Variants in FCHSD2 observed in about 807,000 individuals in gnomAD.
The protein encoded by FCHSD2 is FCH and double SH3 domains 2.
In FCHSD2, 38 loss-of-function variants were observed where a neutral mutation model predicts 108.1. That is an observed-to-expected ratio of 0.35 (90% CI 0.27 to 0.46). FCHSD2 has a LOEUF of 0.46. Ranked by LOEUF, FCHSD2 falls within the 20% of genes least tolerant of loss-of-function variation. The pLI, the probability that FCHSD2 is intolerant of heterozygous loss-of-function variation, is 1.00. For synonymous variants in FCHSD2, 279 were observed against 314.7 expected (o/e 0.89, Z 1.20); for missense variants, 751 against 897.8 (o/e 0.84, Z 2.09).
intron 4 of FCHSD2, 127 bp from the exon 5 acceptor site, chr11:73,001,261 T>C (rs967705216): frequency 2.0e-4 from 153 of 750,886 alleles, no homozygotes; most frequent in Non-Finnish European, 3.0e-4. Context: ...TATAATGGCT[T>C]ATAGGCAATA....
intron 2 of FCHSD2, among the ~76,000 whole-genome samples, chr11:73,137,572 A>G (rs1861148273): frequency 6.6e-6 from 1 of 152,270 alleles, no homozygotes; most frequent in Non-Finnish European, 1.5e-5. Context: ...ACAAAAATGA[A>G]TAATAGCCCA....
intron 8 of FCHSD2, among the ~76,000 whole-genome samples, chr11:72,976,246 A>C (rs555713603): frequency 6.6e-6 from 1 of 152,304 alleles, no homozygotes; most frequent in South Asian, 2.1e-4. Context: ...TTCTTGGGGA[A>C]TCTGTCCAAA....
chr11:72,841,166 T>C (rs1860918810), intron 18 of FCHSD2, among the ~76,000 whole-genome samples: 1 of 151,552 alleles, frequency 6.6e-6, no homozygotes, highest in South Asian at 2.1e-4. Flanking sequence ...ATACCCTTTG[T>C]CCAGAAAAAA....
At chr11:72,959,750 G>T (rs1011209457) in intron 8 of FCHSD2, among the ~76,000 whole-genome samples, 1 of 152,120 alleles carries the variant, frequency 6.6e-6, no homozygotes, top group East Asian at 1.9e-4. Context: ...AATATTAAAT[G>T]TCAGGCACTG....
intron 8 of FCHSD2, among the ~76,000 whole-genome samples, chr11:72,946,995 A>G (rs1856533196): frequency 1.3e-5 from 2 of 152,136 alleles, no homozygotes; most frequent in African/African-American, 2.4e-5. Context: ...CCAGCTACCC[A>G]AGAGCTATTC....
At chr11:72,926,093 T>C (rs920987347) in intron 8 of FCHSD2, among the ~76,000 whole-genome samples, 10 of 152,264 alleles carry the variant, frequency 6.6e-5, no homozygotes, top group Middle Eastern at 3.4e-3. Context: ...GGGTTGGGGC[T>C]GAGCCCCAGG....
At chr11:73,035,550 GAGTC>G (rs1270337665) in intron 3 of FCHSD2, among the ~76,000 whole-genome samples, 1 of 152,056 alleles carries the variant, frequency 6.6e-6, no homozygotes, top group Non-Finnish European at 1.5e-5. Context: ...CTAAGCAAAT[GAGTC>G]AGTGTTTATA....
At chr11:72,867,495 T>C (rs559946068) in intron 13 of FCHSD2, among the ~76,000 whole-genome samples, 127 of 152,332 alleles carry the variant, frequency 8.3e-4, no homozygotes, top group Non-Finnish European at 1.1e-3. Context: ...AATCTCTGGA[T>C]GTTTATTTTC....
intron 14 of FCHSD2, chr11:72,843,768 G>A (rs951466512): frequency 1.4e-5 from 7 of 503,416 alleles, no homozygotes; most frequent in Middle Eastern, 5.3e-4. Flanking sequence ...AGGCAATGAC[G>A]TTCAATGAAC....
At chr11:72,942,104 G>A (rs1296534038) in intron 8 of FCHSD2, among the ~76,000 whole-genome samples, 3 of 152,350 alleles carry the variant, frequency 2.0e-5, no homozygotes, top group South Asian at 2.1e-4. Context: ...AGCAGGGGGT[G>A]TCTGTGTCAT....
chr11:72,840,901 C>T lies in FCHSD2; in HGVS notation c.2115G>A (p.Glu705=), dbSNP rs780653733. The T allele has an allele frequency of 1.2e-6, 2 of 1,613,040 alleles. No individual in the cohort carries two copies. Among genetic ancestry groups the T allele is most frequent in the South Asian group, 2.2e-5 (2 of 91,058 alleles). The change falls in exon 19 of 20, where the codon GAG becomes GAA. Residue 705 remains glutamate (E), a synonymous_variant. Coordinates refer to ENST00000409418, the MANE Select transcript of FCHSD2 (RefSeq NM_014824.3). ...CAGGTCGCAGTTTGCCATATGAGGT[C>T]TCAGGAGTATGCCTTGATGCCTGTG... The part of the protein sequence containing the change: ...GFSQASRHTP[E]TSYGKLRPVR...
chr11:73,077,804 A>G, intron 3 of FCHSD2: 1 of 270,718 alleles, frequency 3.7e-6, no homozygotes. Context: ...GGGGGCTTAC[A>G]GATGTGTTCA....
intron 3 of FCHSD2, among the ~76,000 whole-genome samples, chr11:73,050,032 G>A (rs1189206778): frequency 1.3e-5 from 2 of 152,168 alleles, no homozygotes; most frequent in Non-Finnish European, 2.9e-5. Flanking sequence ...GAAGTTGCCA[G>A]GCCTCTCTAT....
intron 13 of FCHSD2, among the ~76,000 whole-genome samples, chr11:72,863,061 C>A (rs12277770): frequency 6.6e-6 from 1 of 151,942 alleles, no homozygotes; most frequent in South Asian, 2.1e-4. Flanking sequence ...TAGCTAGGAC[C>A]GCAGGAATGT....
intron 13 of FCHSD2, among the ~76,000 whole-genome samples, chr11:72,865,121 G>T (rs560210523): frequency 1.3e-5 from 2 of 152,164 alleles, no homozygotes; most frequent in Admixed American, 6.5e-5. Context: ...CACTATTAAT[G>T]TCTAACAGTA....
At chr11:73,006,843 A>G (rs944871023) in intron 4 of FCHSD2, among the ~76,000 whole-genome samples, 2 of 152,224 alleles carry the variant, frequency 1.3e-5, no homozygotes, top group African/African-American at 4.8e-5. Context: ...CATAGCAGGC[A>G]CTCAATACAT....
chr11:73,092,844 T>A (rs1480472122), intron 2 of FCHSD2, among the ~76,000 whole-genome samples: 2 of 152,114 alleles, frequency 1.3e-5, no homozygotes, highest in East Asian at 3.9e-4. Flanking sequence ...CAAAGACAGG[T>A]CTTACCTTTG....
rs1325545956 is a variant in FCHSD2, at chr11:72,877,992, CA to C, written c.1146+9477del. 5.0e-4 allele frequency among the ~76,000 whole-genome samples: 75 copies of C among 150,884 alleles called. 2 individuals are homozygous for C. The highest frequency in any genetic ancestry group is 1.6e-4 in the Non-Finnish European group (11 of 67,702). ...AGCCTGGGTGACAGAGACACTGTCT[CA>C]AAAAAAATTTTTTTAAATATATAAA... On this transcript the variant is annotated intron_variant, in intron 12 of 19. Transcript: ENST00000409418.
chr11:72,967,952 A>T (rs12099370), intron 8 of FCHSD2, among the ~76,000 whole-genome samples: 3,311 of 151,928 alleles, frequency 0.022, 81 homozygotes, highest in African/African-American at 0.059. Flanking sequence ...TTAGCCGGGT[A>T]TGGTGGCGGG....
Sources: gnomAD v4.1 joint callset for allele counts (sites outside exome capture counted in the v4.1 genomes callset) on GRCh38, gnomAD v4.1.1 for gene constraint, MANE v1.5 for transcripts, NCBI Gene and HGNC (gene_info 2026-07-23, HGNC 2026-07-21) for gene names.